ARHGAP24: variants seen among roughly 807,000 people sequenced by gnomAD.
ARHGAP24 encodes the protein rho GTPase-activating protein 24.
Under a neutral mutation model 76.4 loss-of-function variants are expected in ARHGAP24, and 50 were observed. That is an observed-to-expected ratio of 0.65 (90% CI 0.52 to 0.83). The LOEUF (loss-of-function observed/expected upper bound fraction) is 0.83. Ranked by LOEUF, ARHGAP24 falls within the 40% of genes least tolerant of loss-of-function variation. ARHGAP24 has a pLI of 0.00. For synonymous variants in ARHGAP24, 345 were observed against 323.3 expected (o/e 1.07, Z -0.72); for missense variants, 930 against 914.2 (o/e 1.02, Z -0.22).
At chr4:85,947,178 A>C (rs1466826147) in intron 5 of ARHGAP24, among the ~76,000 whole-genome samples, 1 of 151,260 alleles carries the variant, frequency 6.6e-6, no homozygotes, top group Non-Finnish European at 1.5e-5. Context: ...TTAATTGTTT[A>C]TTTGGTTTTT....
intron 1 of ARHGAP24, among the ~76,000 whole-genome samples, chr4:85,514,894 A>G (rs1724432113): frequency 6.6e-6 from 1 of 150,686 alleles, no homozygotes; most frequent in Non-Finnish European, 1.5e-5. Context: ...ACCCTGAGAC[A>G]AGGATTAAAG....
chr4:85,649,981 G>C (rs1721873983), intron 2 of ARHGAP24, among the ~76,000 whole-genome samples: 1 of 152,082 alleles, frequency 6.6e-6, no homozygotes, highest in African/African-American at 2.4e-5. Context: ...GGTAGCAATG[G>C]AGAAATAAGG....
chr4:85,517,633 T>C (rs1724561613), intron 1 of ARHGAP24, among the ~76,000 whole-genome samples: 1 of 152,156 alleles, frequency 6.6e-6, no homozygotes, highest in African/African-American at 2.4e-5. Context: ...AGTGTTTTCT[T>C]ATTAATTTAT....
intron 2 of ARHGAP24, among the ~76,000 whole-genome samples, chr4:85,620,396 G>A (rs916310723): frequency 1.3e-5 from 2 of 151,646 alleles, no homozygotes; most frequent in Admixed American, 6.6e-5. Context: ...GTATGTTCCC[G>A]GCAATTCATC....
intron 4 of ARHGAP24, among the ~76,000 whole-genome samples, chr4:85,932,631 C>T (rs926883277): frequency 3.9e-5 from 6 of 152,136 alleles, no homozygotes; most frequent in Non-Finnish European, 8.8e-5. Flanking sequence ...CTATCCTCTC[C>T]CGGGGGGCTA....
At chr4:85,520,182 G>A (rs1724682164) in intron 1 of ARHGAP24, among the ~76,000 whole-genome samples, 1 of 152,072 alleles carries the variant, frequency 6.6e-6, no homozygotes, top group Admixed American at 6.6e-5. Flanking sequence ...TATGGTGTGG[G>A]AAAGCATATA....
At chr4:85,559,760 C>A (rs1450292772) in intron 1 of ARHGAP24, among the ~76,000 whole-genome samples, 1 of 152,074 alleles carries the variant, frequency 6.6e-6, no homozygotes, top group Non-Finnish European at 1.5e-5. Context: ...TTTTCATCTT[C>A]CCTGCTTCAG....
chr4:85,661,536 C>CT (rs1722385838), intron 2 of ARHGAP24, among the ~76,000 whole-genome samples: 1 of 151,520 alleles, frequency 6.6e-6, no homozygotes, highest in Admixed American at 6.6e-5. Context: ...TTTAATTATA[C>CT]TTTAAGTTTT....
chr4:85,775,239 C>T (rs1727271816), intron 3 of ARHGAP24, among the ~76,000 whole-genome samples: 1 of 152,052 alleles, frequency 6.6e-6, no homozygotes, highest in Admixed American at 6.6e-5. Flanking sequence ...TAGCATCATC[C>T]TGAATGATGA....
At chr4:85,939,533 G>A (rs1736836081) in intron 4 of ARHGAP24, among the ~76,000 whole-genome samples, 2 of 152,080 alleles carry the variant, frequency 1.3e-5, no homozygotes, top group African/African-American at 4.8e-5. Flanking sequence ...AGAATATTGT[G>A]AGGGACTCAG....
intron 2 of ARHGAP24, among the ~76,000 whole-genome samples, chr4:85,645,148 T>C (rs537086726): frequency 6.6e-6 from 1 of 152,240 alleles, no homozygotes; most frequent in African/African-American, 2.4e-5. Context: ...AGTTTGTAGC[T>C]TAAGATAAAA....
intron 3 of ARHGAP24, among the ~76,000 whole-genome samples, chr4:85,920,167 C>T (rs898782590): frequency 1.3e-5 from 2 of 152,126 alleles, no homozygotes; most frequent in Non-Finnish European, 2.9e-5. Flanking sequence ...GTAATATGTA[C>T]TTTTTGCATA....
At chr4:85,909,504 G>A (rs1323886209) in intron 3 of ARHGAP24, among the ~76,000 whole-genome samples, 1 of 152,114 alleles carries the variant, frequency 6.6e-6, no homozygotes, top group Admixed American at 6.5e-5. Flanking sequence ...TATGCCTGTT[G>A]AATTGTCAAT....
In ARHGAP24 at chr4:85,513,559, T is replaced by TAA. The variant is rs33971400; in HGVS notation, c.-21+38009_-21+38010dup. Reference sequence around the variant, plus strand: ...CCACTTAGAATGATTGCCTTTTTTTTAAAAAAAAAAGCTTCCTTGCATTTT... The same window carrying TAA: ...CCACTTAGAATGATTGCCTTTTTTTTAAAAAAAAAAAAGCTTCCTTGCATTTT... On this transcript the variant is annotated intron_variant, in intron 1 of 9. Transcript: ENST00000395184. Among the ~76,000 whole-genome samples the TAA allele has an allele frequency of 7.2e-3, 1,087 of 151,502 alleles. 6 individuals are homozygous for TAA. The highest frequency in any genetic ancestry group is 0.031 in the Middle Eastern group (9 of 288).
chr4:85,924,996 T>G (rs1422764633), intron 4 of ARHGAP24, among the ~76,000 whole-genome samples: 1 of 152,154 alleles, frequency 6.6e-6, no homozygotes, highest in African/African-American at 2.4e-5. Flanking sequence ...ACGGTTACCT[T>G]ATTCATAACC....
chr4:85,697,408 C>A (rs1362776697), intron 2 of ARHGAP24, among the ~76,000 whole-genome samples: 1 of 152,072 alleles, frequency 6.6e-6, no homozygotes, highest in Non-Finnish European at 1.5e-5. Flanking sequence ...TGTATATGTG[C>A]CACATTTTCT....
chr4:85,791,697 G>A (rs536531063), intron 3 of ARHGAP24, among the ~76,000 whole-genome samples: 54 of 152,332 alleles, frequency 3.5e-4, no homozygotes, highest in Non-Finnish European at 6.6e-4. Context: ...GAGTGACTAT[G>A]ATGAGCTAAG....
intron 3 of ARHGAP24, among the ~76,000 whole-genome samples, chr4:85,819,780 C>T (rs57129466): frequency 0.11 from 15,948 of 151,864 alleles, 952 homozygotes; most frequent in South Asian, 0.19. Context: ...ATTAGCTGGG[C>T]GTGGTGGTAC....
intron 3 of ARHGAP24, among the ~76,000 whole-genome samples, chr4:85,823,512 A>G (rs745892): frequency 0.24 from 36,189 of 152,112 alleles, 5,064 homozygotes; most frequent in Non-Finnish European, 0.33. Flanking sequence ...CATGTGTCCC[A>G]GGCTTTCTGA....
Sources: gnomAD v4.1 joint callset for allele counts (sites outside exome capture counted in the v4.1 genomes callset) on GRCh38, gnomAD v4.1.1 for gene constraint, MANE v1.5 for transcripts, NCBI Gene and HGNC (gene_info 2026-07-23, HGNC 2026-07-21) for gene names.